Variants in POR observed in about 807,000 individuals in gnomAD.
POR encodes the protein NADPH--cytochrome P450 reductase.
Under a neutral mutation model 84.0 loss-of-function variants are expected in POR, and 56 were observed. The ratio of observed to expected loss-of-function variants is 0.67; its 90% confidence interval spans 0.54 to 0.83. The LOEUF (loss-of-function observed/expected upper bound fraction) is 0.83, where lower values mean the gene tolerates loss of function less well. POR is among the 40% of genes least tolerant of loss of function. POR has a pLI of 0.00. For missense variants in POR, 938 were observed against 944.3 expected, an observed-to-expected ratio of 0.99 and a Z score of 0.09; for synonymous variants, 414 against 400.5, an observed-to-expected ratio of 1.03 and a Z score of -0.40.
At position 75,985,929 on chromosome 7, in the gene POR, A is replaced by T. The variant is rs782129581; in HGVS notation, c.1676A>T (p.Glu559Val). 6.3e-7 allele frequency: 1 copy of T among 1,586,048 alleles called. No homozygotes were observed. The highest frequency in any genetic ancestry group is 2.3e-5 in the East Asian group (1 of 43,678). ...CCCGGCCCCTGCCACGCAGGCAAGG[A>T]GGTGGGGGAGACGCTGCTGTACTAC... is the stretch of plus-strand genomic sequence containing the variant. Residue 559 changes from glutamate to valine, a missense_variant, in exon 14 of 16, where the codon GAG becomes GTG. Glu to Val is a moderately radical substitution (Grantham distance 121). Transcript: ENST00000461988.
At chr7:75,950,165 C>T (rs1287437990) in intron 1 of POR, among the ~76,000 whole-genome samples, 14 of 152,092 alleles carry the variant, frequency 9.2e-5, no homozygotes, top group South Asian at 8.3e-4. Context: ...CCACCGTGCC[C>T]GGACGATCTG....
rs184393692 is a variant in POR, at chr7:75,917,649, C to G, written c.-5+2470C>G. 2.7e-3 allele frequency among the ~76,000 whole-genome samples: 416 copies of G among 151,976 alleles called. 1 individual carries two copies. Among genetic ancestry groups the G allele is most frequent in the African/African-American group, 8.1e-3 (338 of 41,484 alleles). Reference sequence around the variant, plus strand: ...AGAAATGACAATTTTCTTTTCTTTTCTTTTCTTTTTTTGAGATGGAGTCTC... The same window carrying G: ...AGAAATGACAATTTTCTTTTCTTTTGTTTTCTTTTTTTGAGATGGAGTCTC... On this transcript the variant is annotated intron_variant, in intron 1 of 15. Coordinates refer to ENST00000461988, the MANE Select transcript of POR (RefSeq NM_000941.3).
At chr7:75,975,018 C>A (rs1554556647) in intron 3 of POR, among the ~76,000 whole-genome samples, 1 of 152,162 alleles carries the variant, frequency 6.6e-6, no homozygotes, top group African/African-American at 2.4e-5. Context: ...GTCTTTCAAC[C>A]TAGCTGATCG....
chr7:75,967,939 C>A, intron 2 of POR: 1 of 419,248 alleles, frequency 2.4e-6, no homozygotes. Context: ...CACTTTGAGG[C>A]CACGGGCCCA....
At chr7:75,928,809 C>A (rs1807276852) in intron 1 of POR, among the ~76,000 whole-genome samples, 1 of 152,064 alleles carries the variant, frequency 6.6e-6, no homozygotes, top group Non-Finnish European at 1.5e-5. Flanking sequence ...TAACAGGAAG[C>A]CCCAGTGGGT....
At chr7:75,975,312 C>A (rs1390599114) in intron 3 of POR, among the ~76,000 whole-genome samples, 1 of 152,134 alleles carries the variant, frequency 6.6e-6, no homozygotes, top group Non-Finnish European at 1.5e-5. Context: ...GTCCATCTTT[C>A]CCCCACTGGT....
rs781858248 is a variant in POR, at chr7:75,984,887, G to T, written c.1177G>T (p.Ala393Ser). The change falls in exon 11 of 16, where the codon GCG (alanine) becomes TCG (serine). Residue 393 changes from alanine to serine, a missense_variant. Ala to Ser is a moderately conservative substitution (Grantham distance 99). Coordinates refer to ENST00000461988, the MANE Select transcript of POR (RefSeq NM_000941.3). ...GCGTACCAACGTGCTGTACGAGCTG[G>T]CGCAGTACGCCTCGGAGCCCTCGGA... The T allele has an allele frequency of 6.2e-7, 1 of 1,612,486 alleles. No homozygotes were observed. The highest frequency in any genetic ancestry group is 8.5e-7 in the Non-Finnish European group (1 of 1,179,740).
chr7:75,936,054 A>T (rs1807660633), intron 1 of POR, among the ~76,000 whole-genome samples: 1 of 144,988 alleles, frequency 6.9e-6, no homozygotes, highest in Admixed American at 6.8e-5. Flanking sequence ...CTTAGGATTA[A>T]CTTTTCCAGT....
intron 2 of POR, among the ~76,000 whole-genome samples, chr7:75,971,502 G>A (rs1173122475): frequency 3.9e-5 from 6 of 152,036 alleles, no homozygotes; most frequent in Non-Finnish European, 2.9e-5. Flanking sequence ...AAAATGGGGC[G>A]GGGTGAGGGG....
At chr7:75,970,709 A>C (rs1014681380) in intron 2 of POR, among the ~76,000 whole-genome samples, 2 of 150,994 alleles carry the variant, frequency 1.3e-5, no homozygotes, top group Non-Finnish European at 2.9e-5. Flanking sequence ...AGATCGTGCC[A>C]CTGCACTCCA....
Position 75,985,651 on chromosome 7 carries a change from G to A in POR, c.1471G>A (p.Gly491Ser). 5 of 1,595,462 alleles carry A rather than the reference G, an allele frequency of 3.1e-6. No individual in the cohort carries two copies. The highest frequency in any genetic ancestry group is 4.3e-6 in the Non-Finnish European group (5 of 1,172,190). The change falls in exon 13 of 16, where the codon GGC becomes AGC. Residue 491 changes from glycine (G) to serine (S), a missense_variant. Physicochemically the swap from Gly to Ser is moderately conservative, Grantham distance 56 (BLOSUM62 0). Transcript: ENST00000461988. ...GACCAAGGCTGGCCGCATCAACAAG[G>A]GCGTGGCCACCAACTGGCTGCGGGC...
Position 75,986,238 on chromosome 7 carries a change from G to A in POR, c.1895G>A (p.Cys632Tyr). ...GAAGGCGGTGCCCACATCTACGTCT[G>A]TGGGTGAGTGAGTGGGGTCACTGGA... Residue 632 changes from cysteine to tyrosine, a missense_variant, in exon 15 of 16, where the codon TGT becomes TAT. Transcript: ENST00000461988. 1.2e-6 allele frequency: 2 copies of A among 1,612,668 alleles called. No homozygotes were observed. The highest frequency in any genetic ancestry group is 1.7e-6 in the Non-Finnish European group (2 of 1,179,812).
intron 3 of POR, among the ~76,000 whole-genome samples, chr7:75,975,096 C>T (rs1459116830): frequency 3.3e-5 from 5 of 151,896 alleles, no homozygotes; most frequent in Non-Finnish European, 7.4e-5. Flanking sequence ...TTCGTGACTT[C>T]TGGTCTTAGA....
At chr7:75,935,633 G>T (rs1211895793) in intron 1 of POR, among the ~76,000 whole-genome samples, 1 of 100,018 alleles carries the variant, frequency 1.0e-5, no homozygotes, top group African/African-American at 7.0e-5. Flanking sequence ...GTGTGTGTGT[G>T]TGTGTGTGTG....
intron 3 of POR, among the ~76,000 whole-genome samples, chr7:75,977,254 TC>T (rs1160839224): frequency 6.6e-6 from 1 of 152,184 alleles, no homozygotes; most frequent in Non-Finnish European, 1.5e-5. Flanking sequence ...AGGGGGTACT[TC>T]CAGGTTACTG....
chr7:75,969,264 C>T (rs1212005847), intron 2 of POR, among the ~76,000 whole-genome samples: 3 of 152,186 alleles, frequency 2.0e-5, no homozygotes, highest in Admixed American at 1.3e-4. Context: ...GGGGAGGCTG[C>T]AATAACCAGA....
chr7:75,943,730 C>A (rs1787051520), intron 1 of POR: 3 of 346,298 alleles, frequency 8.7e-6, no homozygotes, highest in South Asian at 6.9e-5. Flanking sequence ...CCCAAGTAAA[C>A]AACAACTGAA....
At chr7:75,960,333 T>G (rs1554554305) in intron 2 of POR, among the ~76,000 whole-genome samples, 1 of 151,522 alleles carries the variant, frequency 6.6e-6, no homozygotes, top group Non-Finnish European at 1.5e-5. Context: ...TAATAATGAC[T>G]CTTTCACGTC....
At chr7:75,978,685 G>A (rs1029735819) in intron 3 of POR, among the ~76,000 whole-genome samples, 12 of 152,224 alleles carry the variant, frequency 7.9e-5, no homozygotes, top group Middle Eastern at 3.4e-3. Flanking sequence ...CACCATGCCC[G>A]GCTAATTTTG....
Sources: allele counts gnomAD v4.1 joint callset (sites outside exome capture counted in the v4.1 genomes callset), GRCh38; gene constraint gnomAD v4.1.1; transcripts MANE v1.5; gene names NCBI Gene and HGNC (gene_info 2026-07-23, HGNC 2026-07-21).